Variants in CUX2 observed in about 807,000 individuals in gnomAD.
CUX2 encodes homeobox protein cut-like 2.
A neutral mutation model predicts 144.8 loss-of-function variants in CUX2; 40 were observed. The ratio of observed to expected loss-of-function variants is 0.28; its 90% CI spans 0.21 to 0.36. CUX2 has a LOEUF of 0.36. Ranked by LOEUF, CUX2 falls within the 10% of genes least tolerant of loss-of-function variation. The pLI, the probability that CUX2 is intolerant of heterozygous loss-of-function variation, is 1.00. For missense variants in CUX2, 1,615 were observed against 1,994.0 expected (o/e 0.81, Z 3.62); for synonymous variants, 827 against 875.6 (o/e 0.94, Z 0.98).
intron 1 of CUX2, among the ~76,000 whole-genome samples, chr12:111,074,389 T>A (rs1258776968): frequency 6.6e-6 from 1 of 151,668 alleles, no homozygotes; most frequent in East Asian, 1.9e-4. Context: ...CTGAGTAGAG[T>A]AAATTGTGAG....
intron 3 of CUX2, among the ~76,000 whole-genome samples, chr12:111,223,862 ACTC>A (rs1881982621): frequency 6.6e-6 from 1 of 151,668 alleles, no homozygotes. Context: ...TGCTGGATGA[ACTC>A]CTTTCAAATG....
Position 111,293,640 on chromosome 12 carries a change from C to T in CUX2, c.560+71C>T, listed in dbSNP as rs1885812820. ...CTCCTGCTGCCCCACCTGGCTGGGTCGTGGACGGGGAAAGTCTCCTACCAG... is the reference window on the plus strand; with the variant it reads ...CTCCTGCTGCCCCACCTGGCTGGGTTGTGGACGGGGAAAGTCTCCTACCAG... On this transcript the variant is annotated intron_variant, in intron 6 of 21. Transcript: ENST00000261726. This position sits in a 1 kb window ranked among gnomAD's most constrained non-coding sequence, Gnocchi z 4.5. The T allele has an allele frequency of 2.0e-6, 3 of 1,513,898 alleles. No homozygotes were observed. Among genetic ancestry groups the T allele is most frequent in the South Asian group, 2.6e-5 (2 of 78,340 alleles). 93.8% of individuals were successfully genotyped at this position (1,513,898 alleles called of 1,614,324 possible).
chr12:111,322,645 C>A lies in CUX2; in HGVS notation c.2926+65C>A, dbSNP rs540178128. 1.9e-6 allele frequency: 3 copies of A among 1,560,428 alleles called. No homozygotes were observed. The highest frequency in any genetic ancestry group is 2.7e-5 in the African/African-American group (2 of 74,308). ...CTTCCCACCTGCGCAGTGGCATGTC[C>A]GCCTGGCTTTACTGCCCGAGTCTAC... On this transcript the variant is annotated intron_variant, in intron 18 of 21. Transcript: ENST00000261726. This position sits in a 1 kb window ranked among gnomAD's most constrained non-coding sequence, Gnocchi z 4.2.
chr12:111,149,234 C>A (rs1238658972), intron 1 of CUX2, among the ~76,000 whole-genome samples: 1 of 152,148 alleles, frequency 6.6e-6, no homozygotes, highest in Non-Finnish European at 1.5e-5. Context: ...CCAACACAAG[C>A]TCGTAAACTT....
chr12:111,036,144 C>A (rs768934978), intron 1 of CUX2, among the ~76,000 whole-genome samples: 1 of 152,174 alleles, frequency 6.6e-6, no homozygotes, highest in African/African-American at 2.4e-5. Context: ...AGGAGAGGAA[C>A]CAGAAGGGCT....
chr12:111,208,983 G>A (rs539453958), intron 1 of CUX2, among the ~76,000 whole-genome samples: 58 of 152,292 alleles, frequency 3.8e-4, no homozygotes, highest in African/African-American at 1.3e-3. Flanking sequence ...TAAAAAAAGG[G>A]AAGGAGTCAT....
rs1260570753 is a variant in CUX2 at position 111,039,668 on chromosome 12, A to ACTATC, written c.63+5432_63+5433insCCTAT. On this transcript the variant is annotated intron_variant, in intron 1 of 21. Coordinates refer to ENST00000261726, the MANE Select transcript of CUX2 (RefSeq NM_015267.4). This position sits in a 1 kb window ranked among gnomAD's most constrained non-coding sequence, Gnocchi z 4.2. Reference sequence around the variant, plus strand: ...TTCACGTGATTCCCAAGTAGTTGGAACTATAGGCGCATGCCACCACGCCTG... The same window carrying ACTATC: ...TTCACGTGATTCCCAAGTAGTTGGAACTATCCTATAGGCGCATGCCACCACGCCTG... Among the ~76,000 whole-genome samples, 10 of 152,138 alleles carry ACTATC rather than the reference A, an allele frequency of 6.6e-5. No homozygotes were observed. The highest frequency in any genetic ancestry group is 2.2e-4 in the African/African-American group (9 of 41,426).
intron 1 of CUX2, among the ~76,000 whole-genome samples, chr12:111,114,884 G>T (rs1874196222): frequency 1.3e-5 from 2 of 152,070 alleles, no homozygotes; most frequent in Non-Finnish European, 2.9e-5. Flanking sequence ...TTTCTTTATG[G>T]ATATCCATTT....
intron 1 of CUX2, among the ~76,000 whole-genome samples, chr12:111,103,653 C>T (rs996829841): frequency 6.6e-6 from 1 of 152,178 alleles, no homozygotes; most frequent in Non-Finnish European, 1.5e-5. Context: ...GATCTGGGGC[C>T]ACTGTCTACT....
chr12:111,078,631 C>T (rs1296352405), intron 1 of CUX2, among the ~76,000 whole-genome samples: 1 of 152,138 alleles, frequency 6.6e-6, no homozygotes, highest in Non-Finnish European at 1.5e-5. Flanking sequence ...GATCGTGCCA[C>T]TACACTCCAG....
At chr12:111,163,517 A>C (rs1286909185) in intron 1 of CUX2, among the ~76,000 whole-genome samples, 1 of 152,200 alleles carries the variant, frequency 6.6e-6, no homozygotes, top group East Asian at 1.9e-4. Context: ...TTGTCCCTCC[A>C]TTCCTGGAGG....
chr12:111,132,129 C>G (rs1426697889), intron 1 of CUX2, among the ~76,000 whole-genome samples: 1 of 152,220 alleles, frequency 6.6e-6, no homozygotes, highest in Non-Finnish European at 1.5e-5. Flanking sequence ...GATGGAAGTT[C>G]CCAAACCTCA....
At chr12:111,285,935 G>A (rs11065851) in intron 4 of CUX2, among the ~76,000 whole-genome samples, 4,113 of 152,272 alleles carry the variant, frequency 0.027, 130 homozygotes, top group African/African-American at 0.077. Flanking sequence ...ACTCTCCAGC[G>A]GATTTCAGGG....
rs976507629 is a variant in CUX2 at position 111,180,358 on chromosome 12, C to T, written c.64-33842C>T. ...TCTACAGGGAGGGAAACCAATTCCA[C>T]GGACCCTTAAGAATTGCTCCTCTCA... On this transcript the variant is annotated intron_variant, in intron 1 of 21. Coordinates refer to ENST00000261726, the MANE Select transcript of CUX2 (RefSeq NM_015267.4). Among the ~76,000 whole-genome samples, 4 of 152,148 alleles carry T rather than the reference C, an allele frequency of 2.6e-5. 1 individual carries two copies. Among genetic ancestry groups the T allele is most frequent in the East Asian group, 1.9e-4 (1 of 5,188 alleles).
chr12:111,141,257 T>C (rs948866449), intron 1 of CUX2, among the ~76,000 whole-genome samples: 10 of 140,880 alleles, frequency 7.1e-5, no homozygotes, highest in Admixed American at 5.4e-4. Context: ...CACACACACA[T>C]TCTTCTTGGT....
In CUX2 at chr12:111,037,008, C is replaced by G. The variant is rs1869490448; in HGVS notation, c.63+2768C>G. 6.6e-6 allele frequency among the ~76,000 whole-genome samples: 1 copy of G among 151,798 alleles called. No homozygotes were observed. The highest frequency in any genetic ancestry group is 2.4e-5 in the African/African-American group (1 of 41,314). ...TCTCTTGTACATAATGCCAGTGACT[C>G]CTACGACACACTTTTATTTTCATTT... On this transcript the variant is annotated intron_variant, in intron 1 of 21. Transcript: ENST00000261726. This position sits in a 1 kb window ranked among gnomAD's most constrained non-coding sequence, Gnocchi z 5.4.
intron 3 of CUX2, among the ~76,000 whole-genome samples, chr12:111,227,849 G>C (rs545514683): frequency 5.9e-5 from 9 of 152,272 alleles, no homozygotes; most frequent in African/African-American, 2.2e-4. Context: ...GGCACCTGTT[G>C]TATACAAGGG....
At chr12:111,155,923 TAAAAA>T (rs61020614) in intron 1 of CUX2, among the ~76,000 whole-genome samples, 1 of 144,528 alleles carries the variant, frequency 6.9e-6, no homozygotes, top group Non-Finnish European at 1.5e-5. Flanking sequence ...GCTTAAAAAA[TAAAAA>T]AAAAAAATAA....
rs1206238816 is a variant in CUX2, at chr12:111,034,765, G to T, written c.63+525G>T. ...GAGGAGAGAGGAGGAGGGAGCCGGG[G>T]TTGGCGAGGAGGCGGCTCCGCGCCC... On this transcript the variant is annotated intron_variant, in intron 1 of 21. Transcript: ENST00000261726. This position sits in a 1 kb window ranked among gnomAD's most constrained non-coding sequence, Gnocchi z 4.2. Among the ~76,000 whole-genome samples, 1 of 150,244 alleles carries T rather than the reference G, an allele frequency of 6.7e-6. No individual in the cohort carries two copies. Among genetic ancestry groups the T allele is most frequent in the Non-Finnish European group, 1.5e-5 (1 of 66,924 alleles).
Sources: gnomAD v4.1 joint callset for allele counts (sites outside exome capture counted in the v4.1 genomes callset) on GRCh38, gnomAD v4.1.1 for gene constraint, Gnocchi (gnomAD v3.1) non-coding constraint, MANE v1.5 for transcripts, NCBI Gene and HGNC (gene_info 2026-07-23, HGNC 2026-07-21) for gene names.